The following PPT1 variants were observed in gnomAD, a reference collection of about 807,000 sequenced individuals.
PPT1 encodes palmitoyl-protein thioesterase 1.
PPT1 carries 24 observed loss-of-function variants against 44.0 expected under a neutral mutation model. The ratio of observed to expected loss-of-function variants is 0.54; its 90% CI spans 0.39 to 0.77. PPT1 has a LOEUF of 0.77. Among genes scored for constraint, PPT1 ranks in the 30% least tolerant of loss-of-function variants. The pLI is 0.00. For synonymous variants in PPT1, 148 were observed against 140.2 expected (o/e 1.06, Z -0.39); for missense variants, 341 against 378.8 (o/e 0.90, Z 0.83).
intron 6 of PPT1, 96 bp downstream of exon 6, chr1:40,080,301 A>G (rs1021054314): frequency 3.9e-6 from 5 of 1,279,590 alleles, no homozygotes; most frequent in African/African-American, 1.5e-5. Context: ...GTGTCTGCCC[A>G]GGACAGTTTG....
chr1:40,078,165 C>G (rs889866315), intron 7 of PPT1, among the ~76,000 whole-genome samples: 1 of 152,110 alleles, frequency 6.6e-6, no homozygotes, highest in African/African-American at 2.4e-5. Flanking sequence ...TTTTCCCCAG[C>G]AGGCAGCTGT....
chr1:40,082,135 ACT>A, intron 5 of PPT1: 1 of 152,250 alleles, frequency 6.6e-6, no homozygotes, highest in East Asian at 1.9e-4. Flanking sequence ...ATTCGAACAA[ACT>A]CTATCCCAGG....
At chr1:40,083,363 G>C (rs1038620251) in intron 5 of PPT1, among the ~76,000 whole-genome samples, 3 of 152,198 alleles carry the variant, frequency 2.0e-5, no homozygotes, top group African/African-American at 4.8e-5. Flanking sequence ...GCTGAAGTGG[G>C]AGGATGGCTT....
rs138951598 is a variant in PPT1 at position 40,091,393 on chromosome 1, T to C, written c.369A>G (p.Ala123=). ...GFSQGGQFLR[A]VAQRCPSPPM... ...GAGGTGAAGGGCATCTCTGAGCCAC[T>C]GCCCTCCTACGGAATAAAAGGGAGT... Residue 123 remains alanine (A), a synonymous_variant, in exon 4 of 9, where the codon GCA becomes GCG. Transcript: ENST00000642050. 26 of 1,613,562 alleles carry C rather than the reference T, an allele frequency of 1.6e-5. No homozygotes were observed. The Admixed American group carries it at 2.8e-4, about 18-fold the overall frequency.
At chr1:40,094,325 T>G (rs1325570116) in intron 1 of PPT1, among the ~76,000 whole-genome samples, 1 of 152,182 alleles carries the variant, frequency 6.6e-6, no homozygotes. Flanking sequence ...ATCCCTCACA[T>G]GCGCAGTTCA....
intron 5 of PPT1, among the ~76,000 whole-genome samples, chr1:40,087,832 G>A (rs1223553526): frequency 1.3e-5 from 2 of 151,648 alleles, no homozygotes; most frequent in Non-Finnish European, 2.9e-5. Context: ...GTAGCCTGAG[G>A]GTAAAAAAAA....
At chr1:40,080,212 A>G (rs1648848011) in intron 6 of PPT1, among the ~76,000 whole-genome samples, 185 bp downstream of exon 6, 1 of 152,210 alleles carries the variant, frequency 6.6e-6, no homozygotes, top group Non-Finnish European at 1.5e-5. Flanking sequence ...GAAGAAAGGC[A>G]AATGAATTTC....
chr1:40,072,163 C>A, downstream of PPT1: 1 of 398,530 alleles, frequency 2.5e-6, no homozygotes, highest in South Asian at 1.3e-4. Flanking sequence ...GTAGCAGTGC[C>A]CTTCATCCAG....
chr1:40,092,570 T>A, intron 1 of PPT1, 63 bp from the exon 2 acceptor site: 1 of 1,306,752 alleles, frequency 7.7e-7, no homozygotes, highest in Non-Finnish European at 1.1e-6. Context: ...GTTTAAAAAC[T>A]CTGAGGCCTC....
chr1:40,082,716 T>A (rs1649030506), intron 5 of PPT1, among the ~76,000 whole-genome samples: 1 of 152,086 alleles, frequency 6.6e-6, no homozygotes, highest in African/African-American at 2.4e-5. Flanking sequence ...AACACAGGAG[T>A]GCAAGATGGG....
chr1:40,071,956 G>A (rs1487493023), downstream of PPT1: 8 of 408,238 alleles, frequency 2.0e-5, no homozygotes, highest in Non-Finnish European at 3.5e-5. Context: ...AAGCTGGTGT[G>A]TTTCCAGATG....
intron 5 of PPT1, among the ~76,000 whole-genome samples, chr1:40,088,875 T>A (rs1054013791): frequency 1.3e-5 from 2 of 152,276 alleles, no homozygotes; most frequent in Non-Finnish European, 2.9e-5. Flanking sequence ...TATTCTGTTA[T>A]AATTACATTC....
In PPT1 at chr1:40,073,706, A is replaced by ATGTT. The variant is rs1331861331; in HGVS notation, c.*351_*354dup. 1 of 244,824 alleles carries ATGTT rather than the reference A, an allele frequency of 4.1e-6. No individual in the cohort carries two copies. Among genetic ancestry groups the ATGTT allele is most frequent in the Non-Finnish European group, 8.2e-6 (1 of 122,454 alleles). The allele number at this position is 244,824 out of a possible 1,614,324, so 15.2% of individuals were successfully genotyped here. A position where few individuals can be genotyped will look rare whatever the true frequency, so the allele number is the denominator to read the frequency against. On this transcript the variant is annotated 3_prime_UTR_variant, in exon 9 of 9. Coordinates refer to ENST00000642050, the MANE Select transcript of PPT1 (RefSeq NM_000310.4). ...TTGAAATATGGCAAGACTTGGAAAA[A>ATGTT]TGTTTGCCCTTAGAATCTATCTCAC...
In PPT1 at chr1:40,078,617, C is replaced by T; in HGVS notation, c.669G>A (p.Lys223=). ...TGAGGAATTTCACCATCACAAACTT[C>T]TTCAGGGCCATCAGGTTTTTCTTGT... The part of the protein sequence containing the change: ...ESYKKNLMAL[K]KFVMVKFLND... Residue 223 remains lysine (K), a synonymous_variant, in exon 7 of 9, where the codon AAG becomes AAA. Coordinates refer to ENST00000642050, the MANE Select transcript of PPT1 (RefSeq NM_000310.4). 6.2e-7 allele frequency: 1 copy of T among 1,614,018 alleles called. No individual in the cohort carries two copies. The highest frequency in any genetic ancestry group is 8.5e-7 in the Non-Finnish European group (1 of 1,179,918).
chr1:40,089,070 T>C (rs1009013755), intron 5 of PPT1, among the ~76,000 whole-genome samples: 21 of 152,014 alleles, frequency 1.4e-4, no homozygotes, highest in African/African-American at 5.1e-4. Context: ...GTGGGTCACC[T>C]GAGCTCGGGA....
chr1:40,078,245 T>C (rs1438089405), intron 7 of PPT1, among the ~76,000 whole-genome samples: 2 of 152,220 alleles, frequency 1.3e-5, no homozygotes, highest in Admixed American at 1.3e-4. Context: ...TCACCCAGGC[T>C]GGGGTGCAGT....
At chr1:40,087,440 G>C (rs1248881273) in intron 5 of PPT1, among the ~76,000 whole-genome samples, 1 of 151,802 alleles carries the variant, frequency 6.6e-6, no homozygotes, top group African/African-American at 2.4e-5. Context: ...ATGGGGTTTT[G>C]CCATGTTGGC....
intron 5 of PPT1, 39 bp from the exon 6 acceptor site, chr1:40,080,526 G>A (rs1168399260): frequency 6.3e-7 from 1 of 1,590,664 alleles, no homozygotes; most frequent in Non-Finnish European, 8.6e-7. Flanking sequence ...CAAGCTACAG[G>A]TCAGTCAGTA....
chr1:40,081,486 A>G (rs1300189531), intron 5 of PPT1, among the ~76,000 whole-genome samples: 1 of 152,040 alleles, frequency 6.6e-6, no homozygotes, highest in Non-Finnish European at 1.5e-5. Flanking sequence ...GCAGTGAGCC[A>G]AGATCACGCC....
Sources: allele counts gnomAD v4.1 joint callset (sites outside exome capture counted in the v4.1 genomes callset), GRCh38; gene constraint gnomAD v4.1.1; transcripts MANE v1.5; gene names NCBI Gene and HGNC (gene_info 2026-07-23, HGNC 2026-07-21).